The following DCDC2 variants were observed in gnomAD, a reference collection of about 807,000 sequenced individuals.
DCDC2 encodes the protein doublecortin domain containing 2.
Under a neutral mutation model 50.2 loss-of-function variants are expected in DCDC2, and 40 were observed. The observed-to-expected ratio is 0.80, with a 90% CI of 0.62 to 1.04. DCDC2 has a LOEUF of 1.04. Ranked by LOEUF, DCDC2 falls within the 50% of genes least tolerant of loss-of-function variation. The pLI, the probability that DCDC2 is intolerant of heterozygous loss-of-function variation, is 0.00. For missense variants in DCDC2, 570 were observed against 581.9 expected, an observed-to-expected ratio of 0.98 and a Z score of 0.21; for synonymous variants, 234 against 210.6, an observed-to-expected ratio of 1.11 and a Z score of -0.96.
intron 8 of DCDC2, among the ~76,000 whole-genome samples, chr6:24,185,837 G>A (rs951049861): frequency 4.6e-5 from 7 of 152,088 alleles, no homozygotes; most frequent in African/African-American, 1.7e-4. Context: ...AGAGGCAAAG[G>A]AGGAACAAGT....
intron 7 of DCDC2, among the ~76,000 whole-genome samples, chr6:24,215,752 T>C (rs1211869914): frequency 6.6e-6 from 1 of 152,176 alleles, no homozygotes; most frequent in African/African-American, 2.4e-5. Context: ...GGAGTCTGCA[T>C]CAGCACCACT....
chr6:24,310,509 T>A (rs530977067), intron 2 of DCDC2, among the ~76,000 whole-genome samples: 16 of 152,276 alleles, frequency 1.1e-4, no homozygotes, highest in African/African-American at 3.8e-4. Context: ...ATGTTGGTAT[T>A]TCCCCCCAAG....
upstream of DCDC2, among the ~76,000 whole-genome samples, chr6:24,359,125 T>G (rs1356410994): frequency 1.4e-5 from 1 of 72,290 alleles, no homozygotes; most frequent in African/African-American, 6.6e-5. Flanking sequence ...TTATATATAT[T>G]ATATATTTTA....
chr6:24,259,103 C>G (rs1414171424), intron 7 of DCDC2, among the ~76,000 whole-genome samples: 1 of 151,320 alleles, frequency 6.6e-6, no homozygotes, highest in Non-Finnish European at 1.5e-5. Flanking sequence ...AGATTTCTAG[C>G]TGGGTGATAT....
intron 7 of DCDC2, among the ~76,000 whole-genome samples, chr6:24,213,524 A>T (rs1761920478): frequency 6.6e-6 from 1 of 152,166 alleles, no homozygotes; most frequent in South Asian, 2.1e-4. Context: ...CACCAGAGGC[A>T]AAATTAAAAT....
intron 7 of DCDC2, among the ~76,000 whole-genome samples, chr6:24,238,486 A>G (rs1762501487): frequency 6.6e-6 from 1 of 151,742 alleles, no homozygotes; most frequent in Admixed American, 6.6e-5. Flanking sequence ...TTTAGTAGAG[A>G]TGGGGTTTCA....
At chr6:24,263,988 G>A (rs1208235982) in intron 7 of DCDC2, among the ~76,000 whole-genome samples, 1 of 152,120 alleles carries the variant, frequency 6.6e-6, no homozygotes, top group African/African-American at 2.4e-5. Flanking sequence ...AAAGCAGCAA[G>A]AGAAAAGAAA....
At chr6:24,178,239 T>A in intron 9 of DCDC2, 91 bp downstream of exon 9, 1 of 1,346,922 alleles carries the variant, frequency 7.4e-7, no homozygotes, top group Non-Finnish European at 1.0e-6. Context: ...TCAATACAAG[T>A]CCTAAACACT....
chr6:24,294,355 C>CA (rs370549459), intron 4 of DCDC2, among the ~76,000 whole-genome samples: 5 of 149,834 alleles, frequency 3.3e-5, no homozygotes, highest in Admixed American at 2.0e-4. Flanking sequence ...ACCCTGTCTC[C>CA]AAAAAAAAAG....
chr6:24,371,095 G>A, the DCDC2 span, among the ~76,000 whole-genome samples: 1 of 151,960 alleles, frequency 6.6e-6, no homozygotes, highest in Non-Finnish European at 1.5e-5. Flanking sequence ...AGCCAACATA[G>A]TGAAACCCTG....
At chr6:24,217,435 G>T (rs1211286865) in intron 7 of DCDC2, among the ~76,000 whole-genome samples, 1 of 152,184 alleles carries the variant, frequency 6.6e-6, no homozygotes, top group Non-Finnish European at 1.5e-5. Flanking sequence ...TAAGTATAAA[G>T]CAAGTATCAA....
intron 6 of DCDC2, among the ~76,000 whole-genome samples, chr6:24,281,034 A>G (rs1763458087): frequency 6.6e-6 from 1 of 152,150 alleles, no homozygotes; most frequent in Non-Finnish European, 1.5e-5. Flanking sequence ...AAGGGGCACG[A>G]CAAGGGAGAC....
chr6:24,180,585 G>A (rs2113741200), intron 8 of DCDC2, among the ~76,000 whole-genome samples: 1 of 151,670 alleles, frequency 6.6e-6, no homozygotes, highest in East Asian at 1.9e-4. Flanking sequence ...ACCATGCCCG[G>A]CCCAGGGTTT....
chr6:24,197,880 A>G (rs1021885913), intron 8 of DCDC2, among the ~76,000 whole-genome samples: 1 of 152,190 alleles, frequency 6.6e-6, no homozygotes, highest in African/African-American at 2.4e-5. Context: ...CTCCTCACCT[A>G]AACTCCAATC....
At chr6:24,321,703 G>A (rs1581651630) in intron 2 of DCDC2, among the ~76,000 whole-genome samples, 1 of 152,096 alleles carries the variant, frequency 6.6e-6, no homozygotes, top group Non-Finnish European at 1.5e-5. Context: ...AATGCAAAAA[G>A]CAAAAGCGAT....
intron 8 of DCDC2, among the ~76,000 whole-genome samples, chr6:24,199,652 G>A (rs1374828715): frequency 6.6e-6 from 1 of 152,154 alleles, no homozygotes; most frequent in Non-Finnish European, 1.5e-5. Context: ...AAAACTGGAT[G>A]GAGAATGAGT....
intron 7 of DCDC2, among the ~76,000 whole-genome samples, chr6:24,231,610 C>T (rs972284955): frequency 2.6e-5 from 4 of 151,966 alleles, no homozygotes; most frequent in African/African-American, 7.3e-5. Context: ...TTTGTCAATA[C>T]TTAGGAAACC....
intron 7 of DCDC2, among the ~76,000 whole-genome samples, chr6:24,234,401 A>G (rs973811822): frequency 6.6e-6 from 1 of 152,196 alleles, no homozygotes; most frequent in African/African-American, 2.4e-5. Context: ...CAGGAAGCCA[A>G]TGGCGGGTTT....
chr6:24,219,061 T>G (rs145545083), intron 7 of DCDC2, among the ~76,000 whole-genome samples: 3 of 152,182 alleles, frequency 2.0e-5, no homozygotes, highest in Admixed American at 2.0e-4. Flanking sequence ...TATTGAACTA[T>G]AATTTTTAAA....
Sources: gnomAD v4.1 joint callset for allele counts (sites outside exome capture counted in the v4.1 genomes callset) on GRCh38, gnomAD v4.1.1 for gene constraint, MANE v1.5 for transcripts, NCBI Gene and HGNC (gene_info 2026-07-23, HGNC 2026-07-21) for gene names.